KCNE1: variants seen among roughly 807,000 people sequenced by gnomAD.
KCNE1 encodes potassium voltage-gated channel subfamily E regulatory subunit 1, also known as potassium voltage-gated channel subfamily E member 1.
In KCNE1, 1 loss-of-function variant was observed where a neutral mutation model predicts 2.9. The ratio of observed to expected loss-of-function variants is 0.34; its 90% CI spans 0.12 to 1.62. KCNE1 has a LOEUF of 1.62. KCNE1 is among the 40% of genes most tolerant of loss of function. KCNE1 has a pLI of 0.36. For synonymous variants in KCNE1, 23 were observed against 65.4 expected (o/e 0.35, Z 3.13); for missense variants, 45 against 150.5 (o/e 0.30, Z 3.67).
At chr21:34,496,062 G>T (rs1376545505) in intron 2 of KCNE1, among the ~76,000 whole-genome samples, 7 of 151,544 alleles carry the variant, frequency 4.6e-5, no homozygotes, top group Admixed American at 6.6e-5. Context: ...TATCCCAGAG[G>T]TTCAGCTCAA....
intron 2 of KCNE1, among the ~76,000 whole-genome samples, chr21:34,497,252 T>A (rs1982867533): frequency 6.6e-6 from 1 of 152,174 alleles, no homozygotes; most frequent in Non-Finnish European, 1.5e-5. Flanking sequence ...GTTTGTTTTT[T>A]CTATTTGTAT....
chr21:34,509,622 A>AT (rs557099786), intron 2 of KCNE1: 2,377 of 151,828 alleles, frequency 0.016, 20 homozygotes, highest in Non-Finnish European at 0.026. Flanking sequence ...TGCCTGGCTA[A>AT]TTTTTTGTAA....
At chr21:34,501,855 CT>C (rs1172247818) in intron 2 of KCNE1, among the ~76,000 whole-genome samples, 10 of 152,188 alleles carry the variant, frequency 6.6e-5, no homozygotes, top group Admixed American at 6.5e-5. Context: ...AGAATGACAT[CT>C]GCTAATCTCC....
chr21:34,497,275 C>T (rs1568859210), intron 2 of KCNE1, among the ~76,000 whole-genome samples: 1 of 151,732 alleles, frequency 6.6e-6, no homozygotes. Flanking sequence ...TTTTATAGGC[C>T]CTGTGAGATT....
intron 2 of KCNE1, among the ~76,000 whole-genome samples, chr21:34,504,512 A>T (rs1247754554): frequency 1.3e-5 from 2 of 152,226 alleles, no homozygotes; most frequent in Non-Finnish European, 2.9e-5. Context: ...ACAGGTCCCC[A>T]AATGTTAAAC....
intron 2 of KCNE1, among the ~76,000 whole-genome samples, chr21:34,496,431 A>T (rs1345729071): frequency 6.6e-6 from 1 of 152,206 alleles, no homozygotes; most frequent in East Asian, 1.9e-4. Flanking sequence ...AAGGTCATTC[A>T]GGAGCAGATT....
intron 2 of KCNE1, among the ~76,000 whole-genome samples, chr21:34,501,547 C>T (rs1239711694): frequency 6.6e-6 from 1 of 152,152 alleles, no homozygotes; most frequent in African/African-American, 2.4e-5. Flanking sequence ...GATATCATCC[C>T]TATTGGTTTT....
chr21:34,506,804 C>T (rs529525499), intron 2 of KCNE1, among the ~76,000 whole-genome samples: 4 of 152,280 alleles, frequency 2.6e-5, no homozygotes, highest in Admixed American at 6.5e-5. Context: ...AATGCAGTGG[C>T]TTTGCAGGAG....
chr21:34,496,454 T>A (rs776176646), intron 2 of KCNE1, among the ~76,000 whole-genome samples: 1 of 152,204 alleles, frequency 6.6e-6, no homozygotes, highest in Non-Finnish European at 1.5e-5. Context: ...TTAATTTCCA[T>A]GTATTTGTGT....
chr21:34,505,837 AAAG>A (rs1162746686), intron 2 of KCNE1, among the ~76,000 whole-genome samples: 1 of 152,240 alleles, frequency 6.6e-6, no homozygotes, highest in Non-Finnish European at 1.5e-5. Flanking sequence ...ACTAGATCCT[AAAG>A]AAGACCTGGC....
intron 2 of KCNE1, among the ~76,000 whole-genome samples, chr21:34,504,477 T>C (rs1030339810): frequency 2.0e-5 from 3 of 152,204 alleles, no homozygotes; most frequent in Non-Finnish European, 2.9e-5. Flanking sequence ...GGTGGCAATG[T>C]AAAACGGTAC....
In KCNE1 at chr21:34,511,223, T is replaced by C; in HGVS notation, c.-284A>G. On this transcript the variant is annotated 5_prime_UTR_variant, in exon 2 of 4. Transcript: ENST00000399286. ...CTTTTTGAGTTATCCTTCTGGTCTC[T>C]TCCTCCTGAGCACGGTTCTCCTGGT... 1 of 985,760 alleles carries C rather than the reference T, an allele frequency of 1.0e-6. No homozygotes were observed. Among genetic ancestry groups the C allele is most frequent in the Non-Finnish European group, 1.2e-6 (1 of 830,166 alleles). The allele number at this position is 985,760 out of a possible 1,614,324, so 61.1% of individuals were successfully genotyped here. A position where few individuals can be genotyped will look rare whatever the true frequency, so the allele number is the denominator to read the frequency against.
In KCNE1 at chr21:34,511,287, G is replaced by C; in HGVS notation, c.-348C>G. The C allele has an allele frequency of 1.0e-6, 1 of 985,546 alleles. No homozygotes were observed. Among genetic ancestry groups the C allele is most frequent in the African/African-American group, 1.7e-5 (1 of 57,378 alleles). The allele number at this position is 985,546 out of a possible 1,614,324, so 61.1% of individuals were successfully genotyped here. A position where few individuals can be genotyped will look rare whatever the true frequency, so the allele number is the denominator to read the frequency against. Reference sequence around the variant, plus strand: ...ATGCCATTCAACGCCCTCCAGGACAGGCCGAAGGGCTTGTCTGTTTGGTGG... The same window carrying C: ...ATGCCATTCAACGCCCTCCAGGACACGCCGAAGGGCTTGTCTGTTTGGTGG... On this transcript the variant is annotated 5_prime_UTR_variant, in exon 2 of 4. Coordinates refer to ENST00000399286, the MANE Select transcript of KCNE1 (RefSeq NM_000219.6).
intron 2 of KCNE1, among the ~76,000 whole-genome samples, chr21:34,496,836 G>A (rs973687421): frequency 1.3e-5 from 2 of 152,160 alleles, no homozygotes; most frequent in African/African-American, 4.8e-5. Context: ...AGAAATTTGA[G>A]AGCTCCAGTG....
At chr21:34,500,734 G>A (rs1459690349) in intron 2 of KCNE1, among the ~76,000 whole-genome samples, 2 of 152,144 alleles carry the variant, frequency 1.3e-5, no homozygotes, top group Admixed American at 6.5e-5. Flanking sequence ...CACCATATAT[G>A]CACTGTCTGT....
At chr21:34,499,563 C>A (rs964789439) in intron 2 of KCNE1, among the ~76,000 whole-genome samples, 1 of 152,214 alleles carries the variant, frequency 6.6e-6, no homozygotes, top group African/African-American at 2.4e-5. Flanking sequence ...AGATGGCTTC[C>A]CCGGGCTAAA....
chr21:34,510,009 C>T (rs1220004018), intron 2 of KCNE1: 2 of 152,200 alleles, frequency 1.3e-5, no homozygotes, highest in African/African-American at 4.8e-5. Context: ...TCTGCAAAAT[C>T]AATTTTTCCT....
At chr21:34,506,721 A>G (rs1983510184) in intron 2 of KCNE1, among the ~76,000 whole-genome samples, 1 of 152,184 alleles carries the variant, frequency 6.6e-6, no homozygotes, top group Non-Finnish European at 1.5e-5. Flanking sequence ...AATACATTGA[A>G]CTCATTGGCA....
intron 2 of KCNE1, among the ~76,000 whole-genome samples, chr21:34,497,088 T>C (rs1312174856): frequency 6.6e-6 from 1 of 152,220 alleles, no homozygotes; most frequent in Non-Finnish European, 1.5e-5. Flanking sequence ...AGATGGCAGA[T>C]ACTTGGTTGA....
Sources: gnomAD v4.1 joint callset for allele counts (sites outside exome capture counted in the v4.1 genomes callset) on GRCh38, gnomAD v4.1.1 for gene constraint, MANE v1.5 for transcripts, NCBI Gene and HGNC (gene_info 2026-07-23, HGNC 2026-07-21) for gene names.